DCHS2: variants seen among roughly 807,000 people sequenced by gnomAD.
The protein encoded by DCHS2 is dachsous cadherin-related 2, also known as protocadherin-23.
In DCHS2, 142 loss-of-function variants were observed where a neutral mutation model predicts 182.4. The observed-to-expected ratio is 0.78, with a 90% CI of 0.68 to 0.89. The LOEUF (loss-of-function observed/expected upper bound fraction) is 0.89, where lower values mean the gene tolerates loss of function less well. Among genes scored for constraint, DCHS2 ranks in the 40% least tolerant of loss-of-function variants. DCHS2 has a pLI of 0.00. For synonymous variants in DCHS2, 1,740 were observed against 1,663.3 expected (o/e 1.05, Z -1.12); for missense variants, 4,319 against 4,198.6 (o/e 1.03, Z -0.79).
At chr4:154,270,767 T>G (rs1733552680) in intron 13 of DCHS2, among the ~76,000 whole-genome samples, 1 of 151,404 alleles carries the variant, frequency 6.6e-6, no homozygotes, top group Admixed American at 6.6e-5. Flanking sequence ...ATGGACAGAT[T>G]AAAGACATTT....
chr4:154,267,170 C>CATTACAT (rs2111194687), intron 14 of DCHS2, among the ~76,000 whole-genome samples: 1 of 152,344 alleles, frequency 6.6e-6, no homozygotes, highest in Non-Finnish European at 1.5e-5. Flanking sequence ...TCCAGCATTA[C>CATTACAT]ATTACATCCA....
chr4:154,360,372 C>A (rs1221945150), intron 3 of DCHS2, among the ~76,000 whole-genome samples: 1 of 152,036 alleles, frequency 6.6e-6, no homozygotes, highest in African/African-American at 2.4e-5. Flanking sequence ...AAGGTTCTTT[C>A]CATCTTTATA....
intron 1 of DCHS2, among the ~76,000 whole-genome samples, chr4:154,437,230 T>A (rs907842152): frequency 1.3e-5 from 2 of 152,206 alleles, no homozygotes; most frequent in African/African-American, 4.8e-5. Context: ...AATCAGAATC[T>A]GTACTTTAAG....
intron 14 of DCHS2, among the ~76,000 whole-genome samples, chr4:154,263,581 G>A (rs957336686): frequency 1.9e-4 from 29 of 150,790 alleles, no homozygotes; most frequent in African/African-American, 6.8e-4. Context: ...ATGGAGTGTG[G>A]AAAATAAGGT....
intron 1 of DCHS2, among the ~76,000 whole-genome samples, chr4:154,468,762 C>T (rs555811185): frequency 6.6e-6 from 1 of 152,198 alleles, no homozygotes; most frequent in East Asian, 1.9e-4. Context: ...TTCGTTAGGA[C>T]TCCTAGGCAC....
chr4:154,246,980 G>A (rs1262425340), intron 16 of DCHS2, among the ~76,000 whole-genome samples: 2 of 152,192 alleles, frequency 1.3e-5, no homozygotes, highest in Non-Finnish European at 2.9e-5. Context: ...ACTAAAAAAA[G>A]GGGAGGAAAT....
At chr4:154,448,536 C>T (rs1235267172) in intron 1 of DCHS2, among the ~76,000 whole-genome samples, 1 of 152,152 alleles carries the variant, frequency 6.6e-6, no homozygotes, top group African/African-American at 2.4e-5. Context: ...CCAGCTACCA[C>T]TATTTGTCAT....
Position 154,233,723 on chromosome 4 carries a change from A to G in DCHS2, c.*813T>C, listed in dbSNP as rs939402970. ...TACTTATAAGACAAGACCTGAAAAA[A>G]AAGCCATTCTGTTTGTAAAGAAGGC... On this transcript the variant is annotated 3_prime_UTR_variant, in exon 20 of 20. Coordinates refer to ENST00000357232, the MANE Select transcript of DCHS2 (RefSeq NM_001358235.2). 5 of 152,204 alleles carry G rather than the reference A, an allele frequency of 3.3e-5. No homozygotes were observed. The highest frequency in any genetic ancestry group is 4.8e-5 in the African/African-American group (2 of 41,464). 9.4% of individuals were successfully genotyped at this position (152,204 alleles called of 1,614,324 possible).
At position 154,464,948 on chromosome 4, in the gene DCHS2, G is replaced by C. The variant is rs145608868; in HGVS notation, c.2052+24356C>G. ...GGAAAAGAGATCTTTCTACCTCCTA[G>C]TCTCCCCAGGTTTCCTAAAGTGTTA... On this transcript the variant is annotated intron_variant, in intron 1 of 19. Coordinates refer to ENST00000357232, the MANE Select transcript of DCHS2 (RefSeq NM_001358235.2). Among the ~76,000 whole-genome samples the C allele has an allele frequency of 1.4e-3, 207 of 152,268 alleles. 1 individual carries two copies. The highest frequency in any genetic ancestry group is 4.9e-3 in the African/African-American group (202 of 41,540).
intron 1 of DCHS2, among the ~76,000 whole-genome samples, chr4:154,422,276 A>G (rs760022671): frequency 1.3e-5 from 2 of 152,286 alleles, no homozygotes; most frequent in Non-Finnish European, 2.9e-5. Flanking sequence ...CAGCACATTC[A>G]TCTGAGCTGT....
intron 1 of DCHS2, among the ~76,000 whole-genome samples, chr4:154,453,740 C>T (rs1245276428): frequency 2.0e-5 from 3 of 152,160 alleles, no homozygotes; most frequent in Non-Finnish European, 4.4e-5. Context: ...ATTCCTTCTC[C>T]CTTGTCCCTG....
intron 3 of DCHS2, among the ~76,000 whole-genome samples, chr4:154,340,804 G>A (rs1729027987): frequency 6.6e-6 from 1 of 152,174 alleles, no homozygotes; most frequent in Admixed American, 6.5e-5. Context: ...ACCTTTTCAA[G>A]AATCTTTACC....
In DCHS2 at chr4:154,236,005, C is replaced by T; in HGVS notation, c.8647G>A (p.Asp2883Asn). The T allele has an allele frequency of 6.2e-7, 1 of 1,613,944 alleles. No individual in the cohort carries two copies. The highest frequency in any genetic ancestry group is 8.5e-7 in the Non-Finnish European group (1 of 1,179,954). Residue 2883 changes from aspartate to asparagine, a missense_variant, in exon 20 of 20, where the codon GAT becomes AAT. By Grantham distance (23) the Asp-to-Asn change is conservative. Coordinates refer to ENST00000357232, the MANE Select transcript of DCHS2 (RefSeq NM_001358235.2). ...TCTGGGAGGGTGAAAAAATACTGAT[C>T]TTGAGTGAAAATGGGCTCAAATTCA... The part of the protein sequence containing the change: ...IDEFEPIFTQ[D>N]QYFFTLPEKN...
chr4:154,372,821 A>G (rs1730705067), intron 2 of DCHS2, among the ~76,000 whole-genome samples: 1 of 152,182 alleles, frequency 6.6e-6, no homozygotes, highest in Admixed American at 6.5e-5. Context: ...TTCAGAAGTA[A>G]TATCAGTAGA....
At chr4:154,271,928 C>T (rs1036046057) in intron 13 of DCHS2, among the ~76,000 whole-genome samples, 1 of 151,938 alleles carries the variant, frequency 6.6e-6, no homozygotes, top group Non-Finnish European at 1.5e-5. Flanking sequence ...CTTTCTTATG[C>T]CCATTTCAGT....
In DCHS2 at chr4:154,490,093, T is replaced by TC. The variant is rs1401279364; in HGVS notation, c.1262dup (p.Gly422ArgfsTer7). 1 of 1,548,926 alleles carries TC rather than the reference T, an allele frequency of 6.5e-7. No homozygotes were observed. Among genetic ancestry groups the TC allele is most frequent in the Non-Finnish European group, 8.7e-7 (1 of 1,146,538 alleles). On this transcript the variant is annotated frameshift_variant, in exon 1 of 20. Coordinates refer to ENST00000357232, the MANE Select transcript of DCHS2 (RefSeq NM_001358235.2). LOFTEE classifies it high-confidence loss of function. ...CGCCTTCAGAGACACGGGCGACGCC[T>TC]CCCTCTGTGAGAAAGAGCACGTGAA...
chr4:154,457,305 C>G (rs57278683), intron 1 of DCHS2, among the ~76,000 whole-genome samples: 1,626 of 152,234 alleles, frequency 0.011, 24 homozygotes, highest in South Asian at 0.072. Flanking sequence ...TCCTCAACTG[C>G]TAACTTTAAA....
chr4:154,314,280 A>G (rs900359946), intron 10 of DCHS2, among the ~76,000 whole-genome samples: 1 of 152,128 alleles, frequency 6.6e-6, no homozygotes, highest in African/African-American at 2.4e-5. Flanking sequence ...TACAGAGAAC[A>G]CTCTAAGAGA....
chr4:154,414,827 T>G (rs902303043), intron 1 of DCHS2, among the ~76,000 whole-genome samples: 1 of 152,210 alleles, frequency 6.6e-6, no homozygotes, highest in Non-Finnish European at 1.5e-5. Context: ...AATGGGATAC[T>G]GCAGGTTATA....
Sources: gnomAD v4.1 joint callset for allele counts (sites outside exome capture counted in the v4.1 genomes callset) on GRCh38, gnomAD v4.1.1 for gene constraint, MANE v1.5 for transcripts, NCBI Gene and HGNC (gene_info 2026-07-23, HGNC 2026-07-21) for gene names.